Variants in LAPTM4B observed in about 807,000 individuals in gnomAD.
LAPTM4B encodes lysosomal-associated transmembrane protein 4B.
A neutral mutation model predicts 28.5 loss-of-function variants in LAPTM4B; 26 were observed. The observed-to-expected ratio is 0.91, with a 90% CI of 0.67 to 1.27. LAPTM4B has a LOEUF of 1.27. LAPTM4B is among the 50% of genes most tolerant of loss of function. LAPTM4B has a pLI of 0.00. For synonymous variants in LAPTM4B, 109 were observed against 106.4 expected (o/e 1.02, Z -0.15); for missense variants, 288 against 285.8 (o/e 1.01, Z -0.06).
intron 6 of LAPTM4B, among the ~76,000 whole-genome samples, chr8:97,825,871 T>C (rs1405493481): frequency 6.6e-6 from 1 of 152,130 alleles, no homozygotes; most frequent in Admixed American, 6.5e-5. Flanking sequence ...GTGAAAACGA[T>C]GGGGATGGAT....
At chr8:97,796,150 A>AGGCT (rs1241440142) in intron 1 of LAPTM4B, among the ~76,000 whole-genome samples, 2 of 152,226 alleles carry the variant, frequency 1.3e-5, no homozygotes, top group Non-Finnish European at 2.9e-5. Flanking sequence ...CGTGTTGGCC[A>AGGCT]GGCTGGTCTC....
chr8:97,839,492 C>G (rs568634833), intron 6 of LAPTM4B, among the ~76,000 whole-genome samples: 1 of 152,168 alleles, frequency 6.6e-6, no homozygotes, highest in Admixed American at 6.5e-5. Context: ...TGCGCCCGGC[C>G]ACCAACAATA....
intron 1 of LAPTM4B, among the ~76,000 whole-genome samples, chr8:97,778,618 C>A (rs1481188983): frequency 6.6e-6 from 1 of 152,150 alleles, no homozygotes; most frequent in Non-Finnish European, 1.5e-5. Context: ...CGGTTGATAA[C>A]ACCCAAAGCC....
chr8:97,838,064 G>A (rs891803063), intron 6 of LAPTM4B, among the ~76,000 whole-genome samples: 2 of 152,208 alleles, frequency 1.3e-5, no homozygotes, highest in South Asian at 2.1e-4. Context: ...CAGAGGCAGG[G>A]TTAGAGGCAG....
chr8:97,786,241 A>C (rs77322370), intron 1 of LAPTM4B, among the ~76,000 whole-genome samples: 2,618 of 152,292 alleles, frequency 0.017, 59 homozygotes, highest in African/African-American at 0.058. Context: ...AAAAGCAAAC[A>C]AAGACCACAC....
At chr8:97,779,648 G>C (rs1392612955) in intron 1 of LAPTM4B, among the ~76,000 whole-genome samples, 1 of 151,766 alleles carries the variant, frequency 6.6e-6, no homozygotes, top group Non-Finnish European at 1.5e-5. Context: ...ATTCGGTCGT[G>C]GTGGCATGCG....
rs781127822 is a variant in LAPTM4B, at chr8:97,825,056, A to T, written c.508-2A>T. On this transcript the variant is annotated splice_acceptor_variant, in intron 5 of 6. Transcript: ENST00000521545. LOFTEE classifies it high-confidence loss of function. ...AATCTGATAATCACTCCTCATTTTC[A>T]GGGTTACTTGATTAGCTGTGTTTGG... 1 of 1,571,192 alleles carries T rather than the reference A, an allele frequency of 6.4e-7. No individual in the cohort carries two copies. Among genetic ancestry groups the T allele is most frequent in the Non-Finnish European group, 8.8e-7 (1 of 1,141,762 alleles).
At chr8:97,782,049 C>T (rs372386804) in intron 1 of LAPTM4B, among the ~76,000 whole-genome samples, 13 of 149,462 alleles carry the variant, frequency 8.7e-5, no homozygotes, top group African/African-American at 3.2e-4. Context: ...GGTGCGATCT[C>T]GGCTCACCGC....
Position 97,816,061 on chromosome 8 carries a change from C to A in LAPTM4B, c.289C>A (p.Arg97Ser). ...TTCTATTTTCTGTTCTGTTTAGCAA[C>A]GCGCAGCCTGGATCATCCCATTCTT... is the stretch of plus-strand genomic sequence containing the variant. ...AMATYGAYKQRAAWIIPFFCY... is the reference protein window; with the variant it reads ...AMATYGAYKQSAAWIIPFFCY... The change falls in exon 4 of 7, where the codon CGC becomes AGC. Residue 97 changes from arginine (R) to serine (S), a missense_variant. By Grantham distance (110) the Arg-to-Ser change is moderately radical. Coordinates refer to ENST00000521545, the MANE Select transcript of LAPTM4B (RefSeq NM_018407.6). 1 of 1,607,846 alleles carries A rather than the reference C, an allele frequency of 6.2e-7. No individual in the cohort carries two copies. The highest frequency in any genetic ancestry group is 2.2e-5 in the East Asian group (1 of 44,724).
At chr8:97,817,158 C>G (rs1816931010) in intron 4 of LAPTM4B, among the ~76,000 whole-genome samples, 1 of 151,958 alleles carries the variant, frequency 6.6e-6, no homozygotes, top group Non-Finnish European at 1.5e-5. Flanking sequence ...ATTTTTGGGA[C>G]AGGGTCTCTG....
In LAPTM4B at chr8:97,790,238, G is replaced by A. The variant is rs115844761; in HGVS notation, c.99+14130G>A. Among the ~76,000 whole-genome samples, 1,376 of 151,796 alleles carry A rather than the reference G, an allele frequency of 9.1e-3. 24 individuals carry two copies. Among genetic ancestry groups the A allele is most frequent in the African/African-American group, 0.031 (1,270 of 41,426 alleles). On this transcript the variant is annotated intron_variant, in intron 1 of 6. Coordinates refer to ENST00000521545, the MANE Select transcript of LAPTM4B (RefSeq NM_018407.6). ...TCTTTTGAGTATATACCTAGGTGTG[G>A]GATTGCTGCATTGTATGATAGCTCT...
Position 97,816,072 on chromosome 8 carries a change from G to A in LAPTM4B, c.300G>A (p.Trp100Ter). ...TYGAYKQRAA[W>*]IIPFFCYQIF... is the part of the protein sequence containing the mutation. ...GTTCTGTTTAGCAACGCGCAGCCTG[G>A]ATCATCCCATTCTTCTGTTACCAGA... The change falls in exon 4 of 7, where the codon TGG (tryptophan) becomes TGA (stop). Residue 100 changes from tryptophan to a stop codon, truncating the protein, a stop_gained. Transcript: ENST00000521545. LOFTEE classifies it high-confidence loss of function. The A allele has an allele frequency of 6.2e-7, 1 of 1,612,898 alleles. No individual in the cohort carries two copies. Among genetic ancestry groups the A allele is most frequent in the Non-Finnish European group, 8.5e-7 (1 of 1,179,606 alleles).
intron 5 of LAPTM4B, among the ~76,000 whole-genome samples, chr8:97,821,449 T>C (rs34039147): frequency 0.34 from 51,621 of 151,892 alleles, 10,068 homozygotes; most frequent in Non-Finnish European, 0.45. Flanking sequence ...AGGGGTCCAG[T>C]GCCAGTTTGG....
chr8:97,777,310 C>A (rs993891959), intron 1 of LAPTM4B, among the ~76,000 whole-genome samples: 3 of 151,718 alleles, frequency 2.0e-5, no homozygotes, highest in Admixed American at 6.6e-5. Context: ...CTATGCCTAG[C>A]TAATTTTTTG....
intron 2 of LAPTM4B, among the ~76,000 whole-genome samples, chr8:97,814,928 C>T (rs1586332851): frequency 6.6e-6 from 1 of 152,126 alleles, no homozygotes; most frequent in Non-Finnish European, 1.5e-5. Flanking sequence ...CTCCTGACCT[C>T]GTGATCGCCC....
At chr8:97,787,431 A>G (rs966948825) in intron 1 of LAPTM4B, among the ~76,000 whole-genome samples, 5 of 151,496 alleles carry the variant, frequency 3.3e-5, no homozygotes, top group Admixed American at 1.3e-4. Context: ...GACTACAGGC[A>G]CCCGCCACCA....
rs201359312 is a variant in LAPTM4B, at chr8:97,852,702, G to T, written c.*1228G>T. ...CAGCCTAAGGAGTAGGCTTTTTTTTGGGGGGGGGAGGTCGGGTGGGGGGGA... is the reference window on the plus strand; with the variant it reads ...CAGCCTAAGGAGTAGGCTTTTTTTTTGGGGGGGGAGGTCGGGTGGGGGGGA... On this transcript the variant is annotated 3_prime_UTR_variant, in exon 7 of 7. Coordinates refer to ENST00000521545, the MANE Select transcript of LAPTM4B (RefSeq NM_018407.6). 19 of 109,530 alleles carry T rather than the reference G, an allele frequency of 1.7e-4. No individual in the cohort carries two copies. Among genetic ancestry groups the T allele is most frequent in the African/African-American group, 3.4e-4 (7 of 20,370 alleles). The allele number at this position is 109,530 out of a possible 1,614,324, so 6.8% of individuals were successfully genotyped here. A position where few individuals can be genotyped will look rare whatever the true frequency, so the allele number is the denominator to read the frequency against.
At chr8:97,821,432 T>C (rs954859418) in intron 5 of LAPTM4B, among the ~76,000 whole-genome samples, 11 of 151,502 alleles carry the variant, frequency 7.3e-5, no homozygotes. Context: ...GTACATAGAG[T>C]GGGTCCAGGG....
chr8:97,815,460 T>C, intron 3 of LAPTM4B, 59 bp downstream of exon 3: 1 of 1,160,356 alleles, frequency 8.6e-7, no homozygotes, highest in Non-Finnish European at 1.3e-6. Context: ...GTGTAATCTG[T>C]GCTGCTGTCT....
Sources: allele counts gnomAD v4.1 joint callset (sites outside exome capture counted in the v4.1 genomes callset), GRCh38; gene constraint gnomAD v4.1.1; transcripts MANE v1.5; gene names NCBI Gene and HGNC (gene_info 2026-07-23, HGNC 2026-07-21).